Variants in TEK observed in about 807,000 individuals in gnomAD.
TEK encodes angiopoietin-1 receptor.
A neutral mutation model predicts 131.8 loss-of-function variants in TEK; 43 were observed. The observed-to-expected ratio is 0.33, with a 90% confidence interval of 0.26 to 0.42. TEK has a LOEUF of 0.42. TEK is among the 10% of genes least tolerant of loss of function. The pLI, the probability that TEK is intolerant of heterozygous loss-of-function variation, is 1.00. For synonymous variants in TEK, 580 were observed against 491.6 expected, an observed-to-expected ratio of 1.18 and a Z score of -2.38; for missense variants, 1,162 against 1,384.4, an observed-to-expected ratio of 0.84 and a Z score of 2.55.
At chr9:27,165,618 A>G (rs191439463) in intron 2 of TEK, among the ~76,000 whole-genome samples, 1 of 152,318 alleles carries the variant, frequency 6.6e-6, no homozygotes, top group Non-Finnish European at 1.5e-5. Context: ...ACATCACTTA[A>G]TATTACTAAC....
chr9:27,160,689 G>A (rs1482294117), intron 2 of TEK, among the ~76,000 whole-genome samples: 1 of 152,158 alleles, frequency 6.6e-6, no homozygotes, highest in Admixed American at 6.5e-5. Context: ...TCATTTTAAG[G>A]TCAAAAGTAA....
chr9:27,112,466 T>A (rs961630881), intron 1 of TEK, among the ~76,000 whole-genome samples: 1 of 152,168 alleles, frequency 6.6e-6, no homozygotes, highest in Non-Finnish European at 1.5e-5. Context: ...CTTTATTGTT[T>A]GTTAGGTCTC....
intron 1 of TEK, among the ~76,000 whole-genome samples, chr9:27,121,644 CAT>C (rs1456309883): frequency 6.6e-6 from 1 of 151,522 alleles, no homozygotes; most frequent in Non-Finnish European, 1.5e-5. Context: ...TCATATCAGT[CAT>C]GTGATTTCAT....
intron 2 of TEK, among the ~76,000 whole-genome samples, chr9:27,165,180 A>C (rs1823683112): frequency 6.6e-6 from 1 of 152,202 alleles, no homozygotes; most frequent in African/African-American, 2.4e-5. Context: ...GGGGAAAGCT[A>C]CTTGGAATTG....
chr9:27,150,405 G>A (rs538422353), intron 1 of TEK, among the ~76,000 whole-genome samples: 2 of 152,130 alleles, frequency 1.3e-5, no homozygotes, highest in South Asian at 2.1e-4. Context: ...CCAGAGGTTC[G>A]AGACCAGCCT....
chr9:27,112,867 G>A (rs1484029096), intron 1 of TEK, among the ~76,000 whole-genome samples: 1 of 152,212 alleles, frequency 6.6e-6, no homozygotes, highest in African/African-American at 2.4e-5. Flanking sequence ...TTTAATGTGG[G>A]AGAGACCTGG....
At chr9:27,117,297 A>G (rs959863131) in intron 1 of TEK, among the ~76,000 whole-genome samples, 1 of 152,162 alleles carries the variant, frequency 6.6e-6, no homozygotes, top group Non-Finnish European at 1.5e-5. Context: ...ACCAAACCAG[A>G]GCTGGAAGAG....
intron 1 of TEK, among the ~76,000 whole-genome samples, chr9:27,138,107 G>A (rs1421035870): frequency 1.3e-5 from 2 of 152,216 alleles, no homozygotes; most frequent in African/African-American, 2.4e-5. Context: ...CCTCAGGAGT[G>A]AAGCCGCAGA....
At chr9:27,194,973 G>C (rs1224679815) in intron 11 of TEK, among the ~76,000 whole-genome samples, 1 of 151,992 alleles carries the variant, frequency 6.6e-6, no homozygotes, top group Non-Finnish European at 1.5e-5. Flanking sequence ...CGGGAAAAGG[G>C]GAAATGACTA....
chr9:27,222,499 G>C (rs1170480739), intron 21 of TEK, among the ~76,000 whole-genome samples: 2 of 152,196 alleles, frequency 1.3e-5, no homozygotes, highest in Admixed American at 6.5e-5. Flanking sequence ...AAGCCAAACA[G>C]ACTAACAGTA....
intron 1 of TEK, among the ~76,000 whole-genome samples, chr9:27,120,004 C>T (rs549078327): frequency 5.4e-4 from 82 of 152,178 alleles, no homozygotes; most frequent in Non-Finnish European, 1.0e-3. Flanking sequence ...CTCCATTCTA[C>T]TTTGTGTCCA....
chr9:27,137,214 G>C (rs1026539082), intron 1 of TEK, among the ~76,000 whole-genome samples: 1 of 117,628 alleles, frequency 8.5e-6, no homozygotes, highest in African/African-American at 3.3e-5. Context: ...CACTGTGCCT[G>C]GCCTAAATCT....
chr9:27,154,954 A>T (rs1328378103), intron 1 of TEK, among the ~76,000 whole-genome samples: 1 of 152,232 alleles, frequency 6.6e-6, no homozygotes, highest in African/African-American at 2.4e-5. Context: ...TGTCTTTTCA[A>T]ATCAACTGCA....
At chr9:27,198,912 C>T (rs1825119165) in intron 12 of TEK, among the ~76,000 whole-genome samples, 1 of 152,198 alleles carries the variant, frequency 6.6e-6, no homozygotes, top group Non-Finnish European at 1.5e-5. Context: ...ATCCTCCCAC[C>T]TCAGCCTCCT....
chr9:27,228,000 C>G (rs1826406168), intron 21 of TEK, among the ~76,000 whole-genome samples: 1 of 152,036 alleles, frequency 6.6e-6, no homozygotes, highest in Admixed American at 6.6e-5. Flanking sequence ...AGAAACAGTA[C>G]CGAGGGTAGG....
intron 14 of TEK, among the ~76,000 whole-genome samples, chr9:27,205,957 G>T (rs1197064975): frequency 8.4e-6 from 1 of 118,550 alleles, no homozygotes; most frequent in Non-Finnish European, 1.9e-5. Context: ...GGGCCAGCAA[G>T]GGGGTTGGGA....
At chr9:27,114,724 GTAAA>G (rs1387719515) in intron 1 of TEK, among the ~76,000 whole-genome samples, 1 of 152,158 alleles carries the variant, frequency 6.6e-6, no homozygotes, top group East Asian at 1.9e-4. Flanking sequence ...AATGTTTGAT[GTAAA>G]TAAAGTTGAA....
chr9:27,213,365 C>A, intron 17 of TEK, 119 bp from the exon 18 acceptor site: 1 of 732,688 alleles, frequency 1.4e-6, no homozygotes, highest in Non-Finnish European at 2.4e-6. Context: ...TTTAAGGGAA[C>A]TGGATTGTGA....
At position 27,190,592 on chromosome 9, in the gene TEK, A is replaced by G; in HGVS notation, c.1391A>G (p.Asn464Ser). ...ACTGGACATAACTTTGCTGTCATCAACATCAGCTCTGAGCCTTACTTTGGG... is the reference window on the plus strand; with the variant it reads ...ACTGGACATAACTTTGCTGTCATCAGCATCAGCTCTGAGCCTTACTTTGGG... ...IDTGHNFAVINISSEPYFGDG... is the reference protein window; with the variant it reads ...IDTGHNFAVISISSEPYFGDG... Residue 464 changes from asparagine (N) to serine (S), a missense_variant, in exon 10 of 23, where the codon AAC becomes AGC. Transcript: ENST00000380036. 6.2e-7 allele frequency: 1 copy of G among 1,614,084 alleles called. No homozygotes were observed. Among genetic ancestry groups the G allele is most frequent in the Non-Finnish European group, 8.5e-7 (1 of 1,179,940 alleles).
Sources: allele counts gnomAD v4.1 joint callset (sites outside exome capture counted in the v4.1 genomes callset), GRCh38; gene constraint gnomAD v4.1.1; transcripts MANE v1.5; gene names NCBI Gene and HGNC (gene_info 2026-07-23, HGNC 2026-07-21).